Variants in SETD2 observed in about 807,000 individuals in gnomAD.
SETD2 encodes histone-lysine N-methyltransferase SETD2.
Under a neutral mutation model 242.1 loss-of-function variants are expected in SETD2, and 31 were observed. The observed-to-expected ratio is 0.13, with a 90% CI of 0.10 to 0.17. SETD2 has a LOEUF of 0.17. Ranked by LOEUF, SETD2 falls within the 10% of genes least tolerant of loss-of-function variation. The probability of loss-of-function intolerance (pLI) is 1.00; values close to 1 mark genes in which losing one functional copy is unlikely to be tolerated. For synonymous variants in SETD2, 1,006 were observed against 1,066.5 expected, an observed-to-expected ratio of 0.94 and a Z score of 1.11; for missense variants, 2,481 against 3,046.3, an observed-to-expected ratio of 0.81 and a Z score of 4.37.
At chr3:47,143,507 G>C (rs1189963925) in intron 1 of SETD2, among the ~76,000 whole-genome samples, 2 of 152,156 alleles carry the variant, frequency 1.3e-5, no homozygotes, top group African/African-American at 4.8e-5. Context: ...AGAAAAATAA[G>C]AGTATTTTTG....
intron 1 of SETD2, among the ~76,000 whole-genome samples, chr3:47,134,552 G>A (rs987833893): frequency 6.6e-6 from 1 of 152,096 alleles, no homozygotes; most frequent in Non-Finnish European, 1.5e-5. Context: ...TACCAAGAGT[G>A]AGCTGGGCTT....
chr3:47,092,772 T>C (rs2041856476), intron 9 of SETD2, among the ~76,000 whole-genome samples: 1 of 151,876 alleles, frequency 6.6e-6, no homozygotes, highest in Admixed American at 6.6e-5. Flanking sequence ...AATTAGTAAA[T>C]AGGTTTAATA....
intron 1 of SETD2, among the ~76,000 whole-genome samples, chr3:47,154,962 C>T (rs1340227067): frequency 2.0e-5 from 3 of 151,916 alleles, no homozygotes; most frequent in Non-Finnish European, 4.4e-5. Flanking sequence ...CCACCGCACT[C>T]CAGCCTGGGC....
chr3:47,056,824 T>C lies in SETD2; in HGVS notation c.6960A>G (p.Val2320=), dbSNP rs370881673. ...GAAAAGTTTCAGAATTAGTTACCTG[T>C]ACAATTGGTGGAGTTGTCTGTGAAT... ...SPYSQTTPPI[V]QSYAQPSLQY... Residue 2320 remains valine, a synonymous_variant, in exon 15 of 21, where the codon GTA becomes GTG. Transcript: ENST00000409792. The C allele has an allele frequency of 4.3e-6, 7 of 1,611,650 alleles. No homozygotes were observed. Among genetic ancestry groups the C allele is most frequent in the South Asian group, 1.1e-5 (1 of 91,044 alleles).
chr3:47,020,287 T>C (rs1399016413), intron 18 of SETD2, among the ~76,000 whole-genome samples: 3 of 152,058 alleles, frequency 2.0e-5, no homozygotes, highest in African/African-American at 7.2e-5. Flanking sequence ...AAAGGTGGAG[T>C]TGGCTAGACT....
At chr3:47,019,063 G>A (rs2038103185) in intron 19 of SETD2, among the ~76,000 whole-genome samples, 1 of 152,222 alleles carries the variant, frequency 6.6e-6, no homozygotes, top group Non-Finnish European at 1.5e-5. Context: ...TTCAGTGAAT[G>A]AAGATTGGAG....
At position 47,083,775 on chromosome 3, in the gene SETD2, G is replaced by A. The variant is rs373627213; in HGVS notation, c.6005C>T (p.Thr2002Ile). Residue 2002 changes from threonine to isoleucine, a missense_variant, in exon 12 of 21, where the codon ACA (threonine) becomes ATA (isoleucine). Coordinates refer to ENST00000409792, the MANE Select transcript of SETD2 (RefSeq NM_014159.7). ...SERSQEQPDK[T>I]VDISDLATKL... ...GGTGGCCAAATCACTTATATCCACT[G>A]TTTTATCTGGCTGTTCTTGGCTCCT... The A allele has an allele frequency of 1.2e-6, 2 of 1,614,000 alleles. No individual in the cohort carries two copies. Among genetic ancestry groups the A allele is most frequent in the African/African-American group, 2.7e-5 (2 of 74,914 alleles).
Position 47,016,931 on chromosome 3 carries a change from ATTTT to A in SETD2, c.*158_*161del. 6.1e-6 allele frequency: 4 copies of A among 659,912 alleles called. No homozygotes were observed. In the East Asian group the frequency reaches 8.0e-5, roughly 13 times the overall value. 40.9% of individuals were successfully genotyped at this position (659,912 alleles called of 1,614,324 possible). On this transcript the variant is annotated 3_prime_UTR_variant, in exon 21 of 21. Transcript: ENST00000409792. Reference sequence around the variant, plus strand: ...AGGTAATCACTTGTAGATGGAGTTCATTTTTGTGGCCTTCAGTTGACATCTGCAG... The same window carrying A: ...AGGTAATCACTTGTAGATGGAGTTCATGTGGCCTTCAGTTGACATCTGCAG...
intron 9 of SETD2, among the ~76,000 whole-genome samples, chr3:47,091,673 G>C (rs933635512): frequency 2.0e-5 from 3 of 152,162 alleles, no homozygotes; most frequent in Admixed American, 6.5e-5. Flanking sequence ...TGTGGCAGGA[G>C]AATCACTTCA....
intron 4 of SETD2, among the ~76,000 whole-genome samples, 169 bp from the exon 5 acceptor site, chr3:47,114,173 T>C (rs924287960): frequency 1.3e-5 from 2 of 152,220 alleles, no homozygotes; most frequent in African/African-American, 2.4e-5. Context: ...CACAAAGGGA[T>C]TCCTTAGAAC....
chr3:47,158,364 T>C (rs1317924519), intron 1 of SETD2, among the ~76,000 whole-genome samples: 1 of 152,160 alleles, frequency 6.6e-6, no homozygotes, highest in Non-Finnish European at 1.5e-5. Context: ...ACACAGATTT[T>C]TTTCAATAAA....
chr3:47,121,160 T>C lies in SETD2; in HGVS notation c.3476A>G (p.Glu1159Gly). ...CCCATCACTCTGAGGATGAGAAAGTTCAGGCAGGCGATTATCTATTTGTTT... is the reference window on the plus strand; with the variant it reads ...CCCATCACTCTGAGGATGAGAAAGTCCAGGCAGGCGATTATCTATTTGTTT... ...SRKQIDNRLP[E>G]LSHPQSDGVD... is the part of the protein sequence containing the mutation. Residue 1159 changes from glutamate (E) to glycine (G), a missense_variant, in exon 3 of 21, where the codon GAA becomes GGA. This residue lies in a region of SETD2 where 1,300 missense variants were observed against 1,259.2 expected (regional missense o/e 1.03). Transcript: ENST00000409792. The C allele has an allele frequency of 6.2e-7, 1 of 1,614,170 alleles. No homozygotes were observed. Among genetic ancestry groups the C allele is most frequent in the Non-Finnish European group, 8.5e-7 (1 of 1,180,008 alleles).
At chr3:47,058,463 A>AAAAAAAAAG (rs2040181862) in intron 14 of SETD2, among the ~76,000 whole-genome samples, 2 of 114,722 alleles carry the variant, frequency 1.7e-5, no homozygotes, top group African/African-American at 3.8e-5. Flanking sequence ...AAAAAAAAAA[A>AAAAAAAAAG]ACACAAAGAG....
At chr3:47,089,792 C>T (rs750563619) in intron 9 of SETD2, among the ~76,000 whole-genome samples, 1 of 151,820 alleles carries the variant, frequency 6.6e-6, no homozygotes, top group Non-Finnish European at 1.5e-5. Flanking sequence ...GAATGAGTCA[C>T]TGAAATAAGA....
chr3:47,130,151 G>A (rs548068479), intron 1 of SETD2, among the ~76,000 whole-genome samples: 3 of 152,256 alleles, frequency 2.0e-5, no homozygotes, highest in South Asian at 2.1e-4. Context: ...CAAGATTGGC[G>A]GGACAAGAGG....
intron 18 of SETD2, among the ~76,000 whole-genome samples, chr3:47,029,644 G>A (rs1459087441): frequency 6.6e-6 from 1 of 151,956 alleles, no homozygotes; most frequent in Non-Finnish European, 1.5e-5. Flanking sequence ...GATTTCCTGG[G>A]GAACACATGG....
Position 47,019,693 on chromosome 3 carries a change from G to C in SETD2, c.7431+67C>G, listed in dbSNP as rs2290547. 489 of 1,332,090 alleles carry C rather than the reference G, an allele frequency of 3.7e-4. 2 individuals carry two copies. The African/African-American group carries it at 6.4e-3, about 17-fold the overall frequency. The allele number at this position is 1,332,090 out of a possible 1,614,324, so 82.5% of individuals were successfully genotyped here. Reference sequence around the variant, plus strand: ...GCAAAGGAGATATTCGACATACTTAGGACAAGAAATGAAAGGGTTCAGATT... The same window carrying C: ...GCAAAGGAGATATTCGACATACTTACGACAAGAAATGAAAGGGTTCAGATT... On this transcript the variant is annotated intron_variant, in intron 19 of 20. Transcript: ENST00000409792.
chr3:47,049,304 A>AATATAT lies in SETD2; in HGVS notation c.6964-2689_6964-2684dup, dbSNP rs55952850. ...AGTTTTTTATAGAATAAGTTTTCTA[A>AATATAT]ATATATATATATATATATATATATA... On this transcript the variant is annotated intron_variant, in intron 15 of 20. Transcript: ENST00000409792. 3.0e-3 allele frequency among the ~76,000 whole-genome samples: 330 copies of AATATAT among 108,222 alleles called. 1 individual carries two copies. Among genetic ancestry groups the AATATAT allele is most frequent in the South Asian group, 7.1e-3 (22 of 3,100 alleles). The allele number at this position is 108,222 out of a possible 152,430, so 71.0% of individuals were successfully genotyped here.
Position 47,057,114 on chromosome 3 carries a change from G to A in SETD2, c.6670C>T (p.Pro2224Ser), listed in dbSNP as rs1304905045. The A allele has an allele frequency of 6.2e-7, 1 of 1,614,226 alleles. No individual in the cohort carries two copies. The highest frequency in any genetic ancestry group is 1.3e-5 in the African/African-American group (1 of 75,066). Residue 2224 changes from proline to serine, a missense_variant, in exon 15 of 21, where the codon CCA becomes TCA. Coordinates refer to ENST00000409792, the MANE Select transcript of SETD2 (RefSeq NM_014159.7). ...TEPLSAPPPV[P>S]VVPHVAAPVE... ...GGAGCTGCCACATGTGGCACCACTG[G>A]TACTGGTGGAGGGGCAGAAAGGGGT...
Sources: gnomAD v4.1 joint callset for allele counts (sites outside exome capture counted in the v4.1 genomes callset) on GRCh38, gnomAD v4.1.1 for gene constraint, gnomAD v4.1.1 regional missense constraint, MANE v1.5 for transcripts, NCBI Gene and HGNC (gene_info 2026-07-23, HGNC 2026-07-21) for gene names.